Variants in CADM1 observed in about 807,000 individuals in gnomAD.
The protein encoded by CADM1 is cell adhesion molecule 1, also known as TSLC-1.
Under a neutral mutation model 53.1 loss-of-function variants are expected in CADM1, and 15 were observed. That is an observed-to-expected ratio of 0.28 (90% CI 0.19 to 0.44). CADM1 has a LOEUF of 0.44. Among genes scored for constraint, CADM1 ranks in the 20% least tolerant of loss-of-function variants. CADM1 has a pLI of 1.00. For missense variants in CADM1, 434 were observed against 611.3 expected (o/e 0.71, Z 3.06); for synonymous variants, 281 against 243.0 (o/e 1.16, Z -1.45).
intron 1 of CADM1, among the ~76,000 whole-genome samples, chr11:115,316,359 C>T (rs1173348193): frequency 1.3e-5 from 2 of 152,092 alleles, no homozygotes; most frequent in Non-Finnish European, 2.9e-5. Context: ...ATTTAAACAT[C>T]TGAACAAGGC....
chr11:115,194,140 G>C (rs1940033318), intron 9 of CADM1: 1 of 152,102 alleles, frequency 6.6e-6, no homozygotes, highest in Non-Finnish European at 1.5e-5. Flanking sequence ...AATGTCTGCA[G>C]AGTCCCGTGA....
chr11:115,176,326 T>A lies in CADM1; in HGVS notation c.*148A>T. 6.6e-7 allele frequency: 1 copy of A among 1,519,808 alleles called. No homozygotes were observed. The highest frequency in any genetic ancestry group is 2.1e-4 in the Middle Eastern group (1 of 4,660). The allele number at this position is 1,519,808 out of a possible 1,614,324, so 94.1% of individuals were successfully genotyped here. On this transcript the variant is annotated 3_prime_UTR_variant, in exon 12 of 12. Transcript: ENST00000331581. ...TTCCAAAGAACATTTTTTTTTTTTT[T>A]ACACAGCAAATCCCAAGCCTTCCCA...
intron 1 of CADM1, among the ~76,000 whole-genome samples, chr11:115,448,274 G>C (rs1948496698): frequency 1.3e-5 from 2 of 152,012 alleles, no homozygotes; most frequent in Admixed American, 1.3e-4. Context: ...ATTCCTATAT[G>C]GTATAAGTAG....
intron 1 of CADM1, among the ~76,000 whole-genome samples, chr11:115,344,811 A>G (rs1231460019): frequency 6.6e-6 from 1 of 152,186 alleles, no homozygotes; most frequent in African/African-American, 2.4e-5. Context: ...CATTCAGTCC[A>G]TCCTTCACAT....
intron 1 of CADM1, among the ~76,000 whole-genome samples, chr11:115,448,619 C>T (rs1480521915): frequency 1.4e-5 from 2 of 144,112 alleles, no homozygotes; most frequent in Non-Finnish European, 3.0e-5. Flanking sequence ...GAAAACAGAA[C>T]ATTTCCCAGC....
intron 1 of CADM1, among the ~76,000 whole-genome samples, chr11:115,369,026 TAAA>T (rs552309443): frequency 7.6e-4 from 34 of 44,744 alleles, no homozygotes; most frequent in Non-Finnish European, 1.1e-3. Context: ...AAAAAAAATC[TAAA>T]AAAAAAAAAA....
chr11:115,502,183 T>C (rs545306940), intron 1 of CADM1, among the ~76,000 whole-genome samples: 5 of 152,258 alleles, frequency 3.3e-5, no homozygotes, highest in Admixed American at 2.6e-4. Context: ...TATAGTACCG[T>C]TGCTACTACC....
At chr11:115,181,844 T>C (rs1489954956) in intron 10 of CADM1, among the ~76,000 whole-genome samples, 1 of 152,224 alleles carries the variant, frequency 6.6e-6, no homozygotes, top group Non-Finnish European at 1.5e-5. Flanking sequence ...ACCTGCGGGC[T>C]GTGCCTCACT....
rs199736406 is a variant in CADM1 at position 115,308,141 on chromosome 11, CTGTGTGTGTGTG to C, written c.125-67733_125-67722del. Among the ~76,000 whole-genome samples the C allele has an allele frequency of 1.7e-3, 227 of 133,486 alleles. 1 individual carries two copies. Among genetic ancestry groups the C allele is most frequent in the African/African-American group, 6.0e-3 (209 of 34,918 alleles). 87.6% of individuals were successfully genotyped at this position (133,486 alleles called of 152,430 possible). On this transcript the variant is annotated intron_variant, in intron 1 of 11. Coordinates refer to ENST00000331581, the MANE Select transcript of CADM1 (RefSeq NM_001301043.2). ...CCTGTAAAAGACACAAACTCTCTCT[CTGTGTGTGTGTG>C]TGTGTGTGTGTGTGTGTGTGTGTAT...
chr11:115,349,305 C>T lies in CADM1; in HGVS notation c.125-108885G>A, dbSNP rs182263727. ...TAGTTTTGAATATTTATCCAGATTACATTTCATATGCAAGATTCTCTTCAA... is the reference window on the plus strand; with the variant it reads ...TAGTTTTGAATATTTATCCAGATTATATTTCATATGCAAGATTCTCTTCAA... On this transcript the variant is annotated intron_variant, in intron 1 of 11. Coordinates refer to ENST00000331581, the MANE Select transcript of CADM1 (RefSeq NM_001301043.2). Among the ~76,000 whole-genome samples the T allele has an allele frequency of 2.0e-5, 3 of 152,266 alleles. No individual in the cohort carries two copies. The East Asian group carries it at 5.8e-4, about 29-fold the overall frequency.
At chr11:115,282,488 T>A (rs1476554004) in intron 1 of CADM1, among the ~76,000 whole-genome samples, 1 of 152,224 alleles carries the variant, frequency 6.6e-6, no homozygotes, top group African/African-American at 2.4e-5. Flanking sequence ...GACACTATAG[T>A]TAGCAACTTG....
intron 8 of CADM1, among the ~76,000 whole-genome samples, chr11:115,199,929 G>C (rs1391544113): frequency 6.6e-6 from 1 of 152,172 alleles, no homozygotes; most frequent in Non-Finnish European, 1.5e-5. Flanking sequence ...AAATGCACTG[G>C]AACTTCATAT....
intron 1 of CADM1, chr11:115,397,609 A>T (rs1031768505): frequency 6.6e-6 from 1 of 152,192 alleles, no homozygotes; most frequent in African/African-American, 2.4e-5. Context: ...TTTCAGTCTC[A>T]TCATCTTTGA....
intron 1 of CADM1, among the ~76,000 whole-genome samples, chr11:115,349,812 T>C (rs1456355554): frequency 6.6e-6 from 1 of 152,158 alleles, no homozygotes; most frequent in African/African-American, 2.4e-5. Flanking sequence ...GTCCCTCCAT[T>C]AGAGGGATTA....
At chr11:115,338,148 C>A (rs1226182917) in intron 1 of CADM1, among the ~76,000 whole-genome samples, 1 of 152,082 alleles carries the variant, frequency 6.6e-6, no homozygotes, top group South Asian at 2.1e-4. Flanking sequence ...ATCATTACCA[C>A]CATCATAACA....
chr11:115,420,307 T>TTGA (rs1947721316), intron 1 of CADM1, among the ~76,000 whole-genome samples: 1 of 152,222 alleles, frequency 6.6e-6, no homozygotes, highest in South Asian at 2.1e-4. Flanking sequence ...GACTTGCTCC[T>TTGA]GATCATTGTG....
intron 9 of CADM1, among the ~76,000 whole-genome samples, chr11:115,191,498 G>T (rs1013789125): frequency 6.6e-6 from 1 of 152,178 alleles, no homozygotes; most frequent in Non-Finnish European, 1.5e-5. Flanking sequence ...TTAAAAAAGA[G>T]AATTTCATAA....
At chr11:115,218,529 T>C (rs1941280406) in intron 5 of CADM1, among the ~76,000 whole-genome samples, 2 of 152,274 alleles carry the variant, frequency 1.3e-5, no homozygotes, top group African/African-American at 2.4e-5. Context: ...GACATCTCAG[T>C]GTAAACATTA....
Position 115,483,330 on chromosome 11 carries a change from T to G in CADM1, c.124+20941A>C, listed in dbSNP as rs1565449156. Among the ~76,000 whole-genome samples the G allele has an allele frequency of 2.0e-5, 3 of 152,310 alleles. No homozygotes were observed. In the East Asian group the frequency reaches 5.8e-4, roughly 29 times the overall value. On this transcript the variant is annotated intron_variant, in intron 1 of 11. Coordinates refer to ENST00000331581, the MANE Select transcript of CADM1 (RefSeq NM_001301043.2). ...AAATGAATAATGTTTTTTTCACATT[T>G]CACTCACTTTCAGCATCACACACAC...
Sources: gnomAD v4.1 joint callset for allele counts (sites outside exome capture counted in the v4.1 genomes callset) on GRCh38, gnomAD v4.1.1 for gene constraint, MANE v1.5 for transcripts, NCBI Gene and HGNC (gene_info 2026-07-23, HGNC 2026-07-21) for gene names.